FAM204A: variants seen among roughly 807,000 people sequenced by gnomAD.
FAM204A encodes family with sequence similarity 204 member A, also known as protein FAM204A.
FAM204A carries 16 observed loss-of-function variants against 35.4 expected under a neutral mutation model. The ratio of observed to expected loss-of-function variants is 0.45; its 90% CI spans 0.31 to 0.69. The LOEUF (loss-of-function observed/expected upper bound fraction) is 0.69. FAM204A is among the 30% of genes least tolerant of loss of function. FAM204A has a pLI of 0.07. For synonymous variants in FAM204A, 76 were observed against 86.9 expected (o/e 0.88, Z 0.70); for missense variants, 240 against 265.7 (o/e 0.90, Z 0.67).
chr10:118,317,326 T>C (rs372047228), intron 7 of FAM204A, among the ~76,000 whole-genome samples: 231 of 152,198 alleles, frequency 1.5e-3, no homozygotes, highest in African/African-American at 4.6e-3. Flanking sequence ...AGAGAAAACA[T>C]GCTGATTAAT....
At chr10:118,310,957 T>C (rs760423821) in intron 8 of FAM204A, 49 bp from the exon 9 acceptor site, 26 of 1,440,818 alleles carry the variant, frequency 1.8e-5, no homozygotes, top group Non-Finnish European at 2.5e-5. Flanking sequence ...AAAAAAAAAA[T>C]ACTTTGCTGA....
intron 7 of FAM204A, among the ~76,000 whole-genome samples, chr10:118,314,347 CT>C (rs1232006361): frequency 6.6e-6 from 1 of 152,164 alleles, no homozygotes; most frequent in Non-Finnish European, 1.5e-5. Context: ...AGAAAGAAAT[CT>C]TTTAGCTTGT....
At chr10:118,337,146 A>G (rs1298647885) in intron 2 of FAM204A, 1 of 660,020 alleles carries the variant, frequency 1.5e-6, no homozygotes, top group Non-Finnish European at 1.9e-6. Context: ...ATTAGTAGAG[A>G]GAACCATTAA....
rs754783782 is a variant in FAM204A at position 118,304,047 on chromosome 10, G to A, written c.*6810C>T. On this transcript the variant is annotated 3_prime_UTR_variant, in exon 9 of 9. Coordinates refer to ENST00000369183, the MANE Select transcript of FAM204A (RefSeq NM_022063.3). ...TAAGATTGCAATTGCACCATCTATT[G>A]CAATTCTGGTCTGGATGTCTGATTT... The A allele has an allele frequency of 1.3e-5, 2 of 152,168 alleles. No individual in the cohort carries two copies. Among genetic ancestry groups the A allele is most frequent in the African/African-American group, 2.4e-5 (1 of 41,446 alleles). 9.4% of individuals were successfully genotyped at this position (152,168 alleles called of 1,614,324 possible). A position where few individuals can be genotyped will look rare whatever the true frequency, so the allele number is the denominator to read the frequency against.
chr10:118,302,144 G>A lies in FAM204A; in HGVS notation c.*8713C>T, dbSNP rs1307496218. 6.6e-6 allele frequency: 1 copy of A among 152,262 alleles called. No homozygotes were observed. The highest frequency in any genetic ancestry group is 1.5e-5 in the Non-Finnish European group (1 of 68,080). 9.4% of individuals were successfully genotyped at this position (152,262 alleles called of 1,614,324 possible). On this transcript the variant is annotated 3_prime_UTR_variant, in exon 9 of 9. Coordinates refer to ENST00000369183, the MANE Select transcript of FAM204A (RefSeq NM_022063.3). ...TTATGTCTTTCCCTCTAGGATATGAGCCCCATGAAGATCCAGCCGCTTTGT... is the reference window on the plus strand; with the variant it reads ...TTATGTCTTTCCCTCTAGGATATGAACCCCATGAAGATCCAGCCGCTTTGT...
At chr10:118,313,198 G>A (rs575628741) in intron 7 of FAM204A, among the ~76,000 whole-genome samples, 46 of 152,068 alleles carry the variant, frequency 3.0e-4, no homozygotes, top group African/African-American at 1.1e-3. Context: ...AGTTAGGCTA[G>A]TCAACCTTGC....
rs933790370 is a variant in FAM204A at position 118,303,001 on chromosome 10, T to G, written c.*7856A>C. 6.6e-6 allele frequency: 1 copy of G among 152,228 alleles called. No individual in the cohort carries two copies. Among genetic ancestry groups the G allele is most frequent in the South Asian group, 2.1e-4 (1 of 4,832 alleles). The allele number at this position is 152,228 out of a possible 1,614,324, so 9.4% of individuals were successfully genotyped here. On this transcript the variant is annotated 3_prime_UTR_variant, in exon 9 of 9. Coordinates refer to ENST00000369183, the MANE Select transcript of FAM204A (RefSeq NM_022063.3). Reference sequence around the variant, plus strand: ...AGTTTACATTTTTAACAAGTGATTCTGCTTGCAGGAGGGCATGGATCCCAC... The same window carrying G: ...AGTTTACATTTTTAACAAGTGATTCGGCTTGCAGGAGGGCATGGATCCCAC...
At chr10:118,329,956 G>A (rs978393788) in intron 6 of FAM204A, among the ~76,000 whole-genome samples, 3 of 152,018 alleles carry the variant, frequency 2.0e-5, no homozygotes, top group East Asian at 1.9e-4. Context: ...AAAGGTACAC[G>A]TATTGTACTC....
chr10:118,335,088 A>T, intron 6 of FAM204A, 26 bp downstream of exon 6: 1 of 1,491,370 alleles, frequency 6.7e-7, no homozygotes. Context: ...ACTAGCTGGT[A>T]TAAGATGCAA....
intron 7 of FAM204A, among the ~76,000 whole-genome samples, chr10:118,320,857 T>C (rs1846103038): frequency 6.6e-6 from 1 of 151,306 alleles, no homozygotes; most frequent in African/African-American, 2.4e-5. Context: ...AGGAGCACAC[T>C]AACAGTCTTA....
chr10:118,298,334 T>A lies in FAM204A; in HGVS notation c.*12523A>T, dbSNP rs1239531645. On this transcript the variant is annotated 3_prime_UTR_variant, in exon 9 of 9. Coordinates refer to ENST00000369183, the MANE Select transcript of FAM204A (RefSeq NM_022063.3). ...CCCTTCATCCTGATTTTCCACCCTC[T>A]TTCTGGGTACCTCAGTGTCCTCTTG... is the stretch of plus-strand genomic sequence containing the variant. 1.3e-5 allele frequency: 2 copies of A among 152,260 alleles called. No homozygotes were observed. The highest frequency in any genetic ancestry group is 2.9e-5 in the Non-Finnish European group (2 of 68,046). 9.4% of individuals were successfully genotyped at this position (152,260 alleles called of 1,614,324 possible).
intron 6 of FAM204A, 99 bp from the exon 7 acceptor site, chr10:118,326,342 T>G (rs1356529804): frequency 3.7e-5 from 36 of 984,852 alleles, no homozygotes; most frequent in Admixed American, 6.4e-5. Context: ...GTTACACAAG[T>G]AGACCATTAA....
In FAM204A at chr10:118,303,053, G is replaced by T. The variant is rs1490814495; in HGVS notation, c.*7804C>A. Reference sequence around the variant, plus strand: ...TCAAGAACCACTGGAATGGGGTAGGGAAGAGGCAAAGGCCTGGCCTGCGTT... The same window carrying T: ...TCAAGAACCACTGGAATGGGGTAGGTAAGAGGCAAAGGCCTGGCCTGCGTT... On this transcript the variant is annotated 3_prime_UTR_variant, in exon 9 of 9. Coordinates refer to ENST00000369183, the MANE Select transcript of FAM204A (RefSeq NM_022063.3). The T allele has an allele frequency of 6.6e-6, 1 of 152,244 alleles. No homozygotes were observed. Among genetic ancestry groups the T allele is most frequent in the Non-Finnish European group, 1.5e-5 (1 of 68,056 alleles). 9.4% of individuals were successfully genotyped at this position (152,244 alleles called of 1,614,324 possible). A position where few individuals can be genotyped will look rare whatever the true frequency, so the allele number is the denominator to read the frequency against.
intron 6 of FAM204A, among the ~76,000 whole-genome samples, chr10:118,333,483 T>C (rs187320795): frequency 5.3e-5 from 8 of 152,330 alleles, no homozygotes; most frequent in African/African-American, 1.9e-4. Context: ...TTTACTCTGT[T>C]GGATTTGCAG....
rs1404514264 is a variant in FAM204A, at chr10:118,306,776, G to A, written c.*4081C>T. 1 of 152,146 alleles carries A rather than the reference G, an allele frequency of 6.6e-6. No homozygotes were observed. Among genetic ancestry groups the A allele is most frequent in the East Asian group, 1.9e-4 (1 of 5,190 alleles). 9.4% of individuals were successfully genotyped at this position (152,146 alleles called of 1,614,324 possible). Reference sequence around the variant, plus strand: ...GTTCAATGCCTTTCCAGGTTTCCTCGTGGCAATCTCCATTGGCCACATGCT... The same window carrying A: ...GTTCAATGCCTTTCCAGGTTTCCTCATGGCAATCTCCATTGGCCACATGCT... On this transcript the variant is annotated 3_prime_UTR_variant, in exon 9 of 9. Transcript: ENST00000369183.
At chr10:118,319,907 G>C (rs1360791399) in intron 7 of FAM204A, among the ~76,000 whole-genome samples, 1 of 151,860 alleles carries the variant, frequency 6.6e-6, no homozygotes, top group African/African-American at 2.4e-5. Context: ...TCCTGTTTCA[G>C]CTACTTACAG....
intron 6 of FAM204A, among the ~76,000 whole-genome samples, chr10:118,328,486 T>C (rs943701797): frequency 4.9e-5 from 7 of 143,412 alleles, no homozygotes; most frequent in Non-Finnish European, 1.1e-4. Flanking sequence ...CTGAAATATA[T>C]GTCAACTGTT....
Position 118,318,738 on chromosome 10 carries a change from T to C in FAM204A, c.543+7416A>G, listed in dbSNP as rs74164039. 9.1e-3 allele frequency among the ~76,000 whole-genome samples: 1,383 copies of C among 152,166 alleles called. 18 individuals are homozygous for C. The highest frequency in any genetic ancestry group is 0.032 in the African/African-American group (1,326 of 41,556). ...ATTACAGAATAAAGATCTGCTTCAC[T>C]ATAATATTGTCTTTCAATTCAGTTT... On this transcript the variant is annotated intron_variant, in intron 7 of 8. Coordinates refer to ENST00000369183, the MANE Select transcript of FAM204A (RefSeq NM_022063.3).
intron 7 of FAM204A, among the ~76,000 whole-genome samples, chr10:118,313,986 C>A: frequency 6.6e-6 from 1 of 152,170 alleles, no homozygotes; most frequent in East Asian, 1.9e-4. Context: ...CTCGACATGT[C>A]ATGTACTCTA....
Sources: allele counts gnomAD v4.1 joint callset (sites outside exome capture counted in the v4.1 genomes callset), GRCh38; gene constraint gnomAD v4.1.1; transcripts MANE v1.5; gene names NCBI Gene and HGNC (gene_info 2026-07-23, HGNC 2026-07-21).